Variants in PTPRD observed in about 807,000 individuals in gnomAD.
The protein encoded by PTPRD is protein tyrosine phosphatase receptor type D, also known as receptor-type tyrosine-protein phosphatase delta.
PTPRD carries 34 observed loss-of-function variants against 214.5 expected under a neutral mutation model. The observed-to-expected ratio is 0.16, with a 90% CI of 0.12 to 0.21. The LOEUF (loss-of-function observed/expected upper bound fraction) is 0.21. PTPRD is among the 10% of genes least tolerant of loss of function. The pLI, the probability that PTPRD is intolerant of heterozygous loss-of-function variation, is 1.00. For missense variants in PTPRD, 2,545 were observed against 2,398.7 expected (o/e 1.06, Z -1.27); for synonymous variants, 1,128 against 845.7 (o/e 1.33, Z -5.79).
chr9:8,388,226 G>A (rs888989158), intron 37 of PTPRD, among the ~76,000 whole-genome samples: 1 of 152,098 alleles, frequency 6.6e-6, no homozygotes, highest in African/African-American at 2.4e-5. Flanking sequence ...ACACGCCCAG[G>A]CTTAGAGAAA....
At chr9:8,561,242 T>A (rs2086184302) in intron 14 of PTPRD, among the ~76,000 whole-genome samples, 1 of 152,062 alleles carries the variant, frequency 6.6e-6, no homozygotes, top group African/African-American at 2.4e-5. Context: ...AATATTCACA[T>A]ACCAATCAGC....
intron 2 of PTPRD, among the ~76,000 whole-genome samples, chr9:10,566,766 T>C (rs991953485): frequency 1.4e-4 from 22 of 152,048 alleles, no homozygotes; most frequent in African/African-American, 5.1e-4. Context: ...CCTTGAGTCA[T>C]GAAGATACTC....
At chr9:9,583,571 A>G (rs542448959) in intron 7 of PTPRD, among the ~76,000 whole-genome samples, 54 of 152,208 alleles carry the variant, frequency 3.5e-4, no homozygotes, top group African/African-American at 1.2e-3. Context: ...CTTGTTATAG[A>G]TAACTACGCA....
intron 7 of PTPRD, among the ~76,000 whole-genome samples, chr9:9,655,956 C>T (rs1428172568): frequency 6.6e-6 from 1 of 151,738 alleles, no homozygotes; most frequent in African/African-American, 2.4e-5. Context: ...CCAGCGGGGG[C>T]AACACAGTGA....
intron 9 of PTPRD, among the ~76,000 whole-genome samples, chr9:9,315,355 CTTA>C (rs1382094067): frequency 6.6e-6 from 1 of 151,844 alleles, no homozygotes; most frequent in Non-Finnish European, 1.5e-5. Context: ...GTATATACAA[CTTA>C]TTATTGACAA....
chr9:8,489,176 A>C (rs2097098298), intron 27 of PTPRD, among the ~76,000 whole-genome samples: 1 of 152,190 alleles, frequency 6.6e-6, no homozygotes, highest in Non-Finnish European at 1.5e-5. Context: ...GGCAAAGTCT[A>C]GGAAAAAACC....
intron 3 of PTPRD, among the ~76,000 whole-genome samples, chr9:10,194,591 C>G (rs2099390028): frequency 6.6e-6 from 1 of 151,920 alleles, no homozygotes; most frequent in South Asian, 2.1e-4. Flanking sequence ...TACCTCATAC[C>G]CACTTCAGCC....
chr9:8,831,972 G>A (rs2097301568), intron 11 of PTPRD, among the ~76,000 whole-genome samples: 1 of 151,976 alleles, frequency 6.6e-6, no homozygotes, highest in African/African-American at 2.4e-5. Context: ...TCCTACTTTA[G>A]TAGTGTCCAG....
chr9:8,713,478 G>A, intron 12 of PTPRD: 1 of 1,123,312 alleles, frequency 8.9e-7, no homozygotes, highest in East Asian at 2.4e-5. Flanking sequence ...AAATGAAGAA[G>A]TCTTCAGGGG....
chr9:9,537,813 T>C (rs1337391684), intron 8 of PTPRD, among the ~76,000 whole-genome samples: 2 of 151,976 alleles, frequency 1.3e-5, no homozygotes, highest in Non-Finnish European at 2.9e-5. Flanking sequence ...ACTAAGCTTT[T>C]ACCCTTTGTG....
intron 3 of PTPRD, among the ~76,000 whole-genome samples, chr9:10,218,225 T>C (rs749047601): frequency 3.3e-5 from 5 of 151,934 alleles, no homozygotes; most frequent in South Asian, 2.1e-4. Context: ...ATACAAATAA[T>C]GTAACAGATA....
chr9:8,730,732 A>T (rs1159766169), intron 12 of PTPRD, among the ~76,000 whole-genome samples: 1 of 152,202 alleles, frequency 6.6e-6, no homozygotes, highest in Non-Finnish European at 1.5e-5. Context: ...CATTACTATA[A>T]TCTATATGAA....
chr9:8,436,501 A>T, intron 35 of PTPRD, 91 bp downstream of exon 35: 1 of 935,312 alleles, frequency 1.1e-6, no homozygotes, highest in Non-Finnish European at 1.7e-6. Context: ...TAAAGGGAAA[A>T]GCACTGATGA....
intron 2 of PTPRD, among the ~76,000 whole-genome samples, chr9:10,358,481 T>A (rs1412551190): frequency 2.0e-5 from 3 of 151,950 alleles, no homozygotes; most frequent in Non-Finnish European, 4.4e-5. Context: ...GTATATTTAC[T>A]TTAGTTTGGC....
chr9:8,463,767 T>C (rs1007281169), intron 32 of PTPRD, among the ~76,000 whole-genome samples: 2 of 151,978 alleles, frequency 1.3e-5, no homozygotes, highest in African/African-American at 4.8e-5. Context: ...GGATAGCTTG[T>C]GTCTTTGAGA....
chr9:8,549,379 G>C (rs2081321129), intron 14 of PTPRD, among the ~76,000 whole-genome samples: 1 of 152,100 alleles, frequency 6.6e-6, no homozygotes, highest in South Asian at 2.1e-4. Flanking sequence ...GACAGAGAAA[G>C]GTCAAGATTT....
chr9:9,869,602 T>C (rs2064916281), intron 5 of PTPRD, among the ~76,000 whole-genome samples: 1 of 152,172 alleles, frequency 6.6e-6, no homozygotes, highest in Admixed American at 6.6e-5. Context: ...AAGTATTCTT[T>C]GAAAAAGTAA....
intron 2 of PTPRD, among the ~76,000 whole-genome samples, chr9:10,534,550 T>C (rs2057287931): frequency 6.6e-6 from 1 of 152,062 alleles, no homozygotes; most frequent in South Asian, 2.1e-4. Flanking sequence ...AAATATGTGA[T>C]TAAAATTATT....
At chr9:9,784,640 C>G (rs1397574009) in intron 5 of PTPRD, among the ~76,000 whole-genome samples, 1 of 151,898 alleles carries the variant, frequency 6.6e-6, no homozygotes, top group Non-Finnish European at 1.5e-5. Flanking sequence ...GCAGACCATA[C>G]TGACTCACTC....
Sources: gnomAD v4.1 joint callset for allele counts (sites outside exome capture counted in the v4.1 genomes callset) on GRCh38, gnomAD v4.1.1 for gene constraint, MANE v1.5 for transcripts, NCBI Gene and HGNC (gene_info 2026-07-23, HGNC 2026-07-21) for gene names.